The following DNAJC16 variants were observed in gnomAD, a reference collection of about 807,000 sequenced individuals.
DNAJC16 encodes the protein dnaJ homolog subfamily C member 16.
A neutral mutation model predicts 92.7 loss-of-function variants in DNAJC16; 76 were observed. The observed-to-expected ratio is 0.82, with a 90% CI of 0.68 to 0.99. The LOEUF (loss-of-function observed/expected upper bound fraction) is 0.99, where lower values mean the gene tolerates loss of function less well. Among genes scored for constraint, DNAJC16 ranks in the 50% least tolerant of loss-of-function variants. The pLI is 0.00. For missense variants in DNAJC16, 869 were observed against 942.4 expected (o/e 0.92, Z 1.02); for synonymous variants, 328 against 358.7 (o/e 0.91, Z 0.97).
chr1:15,556,624 T>G (rs1435896399), intron 7 of DNAJC16, among the ~76,000 whole-genome samples: 1 of 152,202 alleles, frequency 6.6e-6, no homozygotes, highest in African/African-American at 2.4e-5. Context: ...CAGCTAACTA[T>G]GTAATCATAT....
intron 7 of DNAJC16, among the ~76,000 whole-genome samples, chr1:15,558,329 G>C (rs1638616799): frequency 6.6e-6 from 1 of 151,756 alleles, no homozygotes; most frequent in South Asian, 2.1e-4. Context: ...TTGCAGGCAT[G>C]CACCACCATC....
In DNAJC16 at chr1:15,550,141, T is replaced by A. The variant is rs180703448; in HGVS notation, c.1023+1713T>A. 8.6e-5 allele frequency among the ~76,000 whole-genome samples: 13 copies of A among 151,926 alleles called. No individual in the cohort carries two copies. The East Asian group carries it at 2.3e-3, about 27-fold the overall frequency. ...GCCACCGGCACACAAGACAAGGGGG[T>A]GCCTGATGGAGACGAGAAGGTGCTG... On this transcript the variant is annotated intron_variant, in intron 7 of 14. Coordinates refer to ENST00000375847, the MANE Select transcript of DNAJC16 (RefSeq NM_015291.4).
rs370972086 is a variant in DNAJC16 at position 15,529,163 on chromosome 1, C to T, written c.58C>T (p.Leu20=). ...GTTCTTGATAGTTCTGGTTCTGATC[C>T]TGCAAATTCTGTCTGCGTTGGATTT... is the stretch of plus-strand genomic sequence containing the variant. The part of the protein sequence containing the change: ...WQFLIVLVLI[L]QILSALDFDP... Residue 20 remains leucine (L), a synonymous_variant, in exon 2 of 15, where the codon CTG becomes TTG. Transcript: ENST00000375847. 2.0e-5 allele frequency: 33 copies of T among 1,614,086 alleles called. No individual in the cohort carries two copies. The highest frequency in any genetic ancestry group is 1.6e-4 in the East Asian group (7 of 44,876).
In DNAJC16 at chr1:15,570,622, T is replaced by C. The variant is rs1166752820; in HGVS notation, c.*2445T>C. 5.3e-5 allele frequency: 8 copies of C among 152,238 alleles called. No homozygotes were observed. The East Asian group carries it at 1.5e-3, about 29-fold the overall frequency. 9.4% of individuals were successfully genotyped at this position (152,238 alleles called of 1,614,324 possible). ...CTAGGAAATGAAGGTAGTGATGGGATTGGCAATGTTCCTGGCAGATGTTTC... is the reference window on the plus strand; with the variant it reads ...CTAGGAAATGAAGGTAGTGATGGGACTGGCAATGTTCCTGGCAGATGTTTC... On this transcript the variant is annotated 3_prime_UTR_variant, in exon 15 of 15. Transcript: ENST00000375847.
chr1:15,544,176 ACACACACAC>A (rs1638228174), intron 4 of DNAJC16, among the ~76,000 whole-genome samples: 1 of 151,782 alleles, frequency 6.6e-6, no homozygotes, highest in Non-Finnish European at 1.5e-5. Context: ...ACACACACAC[ACACACACAC>A]ATTTGTAACT....
chr1:15,536,332 A>T (rs1448062972), intron 3 of DNAJC16, 143 bp from the exon 4 acceptor site: 1 of 633,508 alleles, frequency 1.6e-6, no homozygotes, highest in African/African-American at 1.9e-5. Flanking sequence ...CACCCGCCTC[A>T]GCCTCCCAAA....
In DNAJC16 at chr1:15,544,514, CAA is replaced by C; in HGVS notation, c.691_692del (p.Asn231CysfsTer5). On this transcript the variant is annotated frameshift_variant, in exon 5 of 15. Coordinates refer to ENST00000375847, the MANE Select transcript of DNAJC16 (RefSeq NM_015291.4). LOFTEE classifies it high-confidence loss of function. ...IINGKISFFH[N>X]AVVRENLRQF... is the part of the protein sequence containing the mutation. ...TTAACGGGAAAATCTCCTTCTTCCA[CAA>C]TGCAGTTGTCCGTGAAAATCTGCGA... is the stretch of plus-strand genomic sequence containing the variant. The C allele has an allele frequency of 2.5e-6, 4 of 1,614,164 alleles. No individual in the cohort carries two copies. Among genetic ancestry groups the C allele is most frequent in the Non-Finnish European group, 3.4e-6 (4 of 1,180,036 alleles).
At chr1:15,563,663 T>TAAAAAAAAAA (rs57751838) in intron 9 of DNAJC16, among the ~76,000 whole-genome samples, 1 of 53,212 alleles carries the variant, frequency 1.9e-5, no homozygotes, top group African/African-American at 7.4e-5. Context: ...CCATCTCTAC[T>TAAAAAAAAAA]AAAAAAAAAA....
In DNAJC16 at chr1:15,544,388, A is replaced by G; in HGVS notation, c.575-11A>G. 3 of 1,599,726 alleles carry G rather than the reference A, an allele frequency of 1.9e-6. No individual in the cohort carries two copies. Among genetic ancestry groups the G allele is most frequent in the Non-Finnish European group, 2.6e-6 (3 of 1,171,514 alleles). On this transcript the variant is annotated splice_polypyrimidine_tract_variant and intron_variant, in intron 4 of 14. Coordinates refer to ENST00000375847, the MANE Select transcript of DNAJC16 (RefSeq NM_015291.4). ...TAAAAAGGCTTCATTTGGATCTTCCATTCTTTTCAGGTGTAGGAATTGGCG... is the reference window on the plus strand; with the variant it reads ...TAAAAAGGCTTCATTTGGATCTTCCGTTCTTTTCAGGTGTAGGAATTGGCG...
chr1:15,562,204 T>C lies in DNAJC16; in HGVS notation c.1217T>C (p.Leu406Pro). 2 of 1,614,158 alleles carry C rather than the reference T, an allele frequency of 1.2e-6. No individual in the cohort carries two copies. Among genetic ancestry groups the C allele is most frequent in the Non-Finnish European group, 1.7e-6 (2 of 1,179,986 alleles). ...TKLSKPFEAF[L>P]SFALANTQDT... is the part of the protein sequence containing the mutation. ...TTGAGCAAACCCTTTGAGGCTTTCC[T>C]GTCCTTTGCCCTGGCAAACACTCAA... The change falls in exon 9 of 15, where the codon CTG becomes CCG. Residue 406 changes from leucine to proline, a missense_variant. Leu to Pro is a moderately conservative substitution (Grantham distance 98). Transcript: ENST00000375847.
At chr1:15,539,186 AT>A (rs1710870244) in intron 4 of DNAJC16, among the ~76,000 whole-genome samples, 1 of 152,230 alleles carries the variant, frequency 6.6e-6, no homozygotes, top group Non-Finnish European at 1.5e-5. Context: ...AGAAGCATCA[AT>A]TTATATAAAC....
chr1:15,546,915 CTTTTT>C (rs76961003), intron 6 of DNAJC16, 44 bp downstream of exon 6: 1,004 of 905,568 alleles, frequency 1.1e-3, no homozygotes, highest in East Asian at 1.3e-3. Flanking sequence ...CTTTTCTTTT[CTTTTT>C]TTTTTTTTTT....
intron 4 of DNAJC16, among the ~76,000 whole-genome samples, chr1:15,544,000 C>T (rs1156462889): frequency 1.3e-5 from 2 of 152,112 alleles, no homozygotes; most frequent in Admixed American, 1.3e-4. Context: ...AGAAAATGTA[C>T]ATTTATCGGC....
At position 15,567,839 on chromosome 1, in the gene DNAJC16, T is replaced by A; in HGVS notation, c.2011T>A (p.Leu671Ile). The A allele has an allele frequency of 6.2e-7, 1 of 1,614,190 alleles. No homozygotes were observed. Among genetic ancestry groups the A allele is most frequent in the Non-Finnish European group, 8.5e-7 (1 of 1,180,002 alleles). Residue 671 changes from leucine to isoleucine, a missense_variant, in exon 15 of 15, where the codon TTA (leucine) becomes ATA (isoleucine). Coordinates refer to ENST00000375847, the MANE Select transcript of DNAJC16 (RefSeq NM_015291.4). ...LDKHREWLEY[L>I]LEFAQDAAPI... is the part of the protein sequence containing the mutation. ...TAAACACAGAGAATGGCTAGAATAC[T>A]TACTAGAATTTGCTCAAGATGCAGC...
chr1:15,534,490 G>A (rs1441805012), intron 3 of DNAJC16, among the ~76,000 whole-genome samples, 187 bp downstream of exon 3: 5 of 152,120 alleles, frequency 3.3e-5, no homozygotes, highest in South Asian at 2.1e-4. Flanking sequence ...TTGGGAGGCC[G>A]AGGTGGGTGG....
At chr1:15,553,256 T>C (rs576737601) in intron 7 of DNAJC16, among the ~76,000 whole-genome samples, 293 of 151,856 alleles carry the variant, frequency 1.9e-3, no homozygotes, top group Non-Finnish European at 3.0e-3. Context: ...TTTTTTGAGA[T>C]GGAGTTTCAC....
rs1272888847 is a variant in DNAJC16 at position 15,548,820 on chromosome 1, ATAACT to A, written c.1023+394_1023+398del. 2.0e-5 allele frequency among the ~76,000 whole-genome samples: 3 copies of A among 152,328 alleles called. No individual in the cohort carries two copies. In the South Asian group the frequency reaches 6.2e-4, roughly 32 times the overall value. ...TGGGGAAAAATCTTGGAAAATCTTG[ATAACT>A]TGACTCTAAATTTTATGTTTTTATG... is the stretch of plus-strand genomic sequence containing the variant. On this transcript the variant is annotated intron_variant, in intron 7 of 14. Coordinates refer to ENST00000375847, the MANE Select transcript of DNAJC16 (RefSeq NM_015291.4).
In DNAJC16 at chr1:15,567,287, T is replaced by TGC; in HGVS notation, c.1949+19_1949+20dup. On this transcript the variant is annotated intron_variant, in intron 14 of 14. Transcript: ENST00000375847. The stretch of plus-strand genomic sequence containing the variant: ...TTTACTGGGTAAGCATGTGTGTGTG[T>TGC]GCATGTATGTATGTGTGTGAGAGAG... 6.2e-7 allele frequency: 1 copy of TGC among 1,604,388 alleles called. No homozygotes were observed. The highest frequency in any genetic ancestry group is 8.5e-7 in the Non-Finnish European group (1 of 1,172,226).
In DNAJC16 at chr1:15,546,887, G is replaced by C; in HGVS notation, c.864+16G>C. 6.7e-7 allele frequency: 1 copy of C among 1,490,694 alleles called. No individual in the cohort carries two copies. Among genetic ancestry groups the C allele is most frequent in the Non-Finnish European group, 9.1e-7 (1 of 1,102,196 alleles). 92.3% of individuals were successfully genotyped at this position (1,490,694 alleles called of 1,614,324 possible). ...GTTATACAAGGTACTTTCTATGCTAGGATAATGGTTTCTTTTTCTTTTCTT... is the reference window on the plus strand; with the variant it reads ...GTTATACAAGGTACTTTCTATGCTACGATAATGGTTTCTTTTTCTTTTCTT... On this transcript the variant is annotated intron_variant, in intron 6 of 14. Transcript: ENST00000375847.
Sources: allele counts gnomAD v4.1 joint callset (sites outside exome capture counted in the v4.1 genomes callset), GRCh38; gene constraint gnomAD v4.1.1; transcripts MANE v1.5; gene names NCBI Gene and HGNC (gene_info 2026-07-23, HGNC 2026-07-21).